The following BPNT1 variants were observed in gnomAD, a reference collection of about 807,000 sequenced individuals.
BPNT1 encodes 3'(2'),5'-bisphosphate nucleotidase 1.
A neutral mutation model predicts 36.9 loss-of-function variants in BPNT1; 28 were observed. The ratio of observed to expected loss-of-function variants is 0.76; its 90% CI spans 0.56 to 1.04. The LOEUF is 1.04. Among genes scored for constraint, BPNT1 ranks in the 50% least tolerant of loss-of-function variants. The pLI is 0.00. For missense variants in BPNT1, 313 were observed against 372.9 expected (o/e 0.84, Z 1.32); for synonymous variants, 119 against 130.9 (o/e 0.91, Z 0.62).
chr1:220,076,971 C>G (rs1157526724), intron 2 of BPNT1, among the ~76,000 whole-genome samples: 1 of 152,144 alleles, frequency 6.6e-6, no homozygotes, highest in African/African-American at 2.4e-5. Flanking sequence ...CTAGCCCGCT[C>G]AGCTTTCTCT....
chr1:220,082,123 GTATA>G (rs771087138), intron 1 of BPNT1, among the ~76,000 whole-genome samples: 1 of 134,520 alleles, frequency 7.4e-6, no homozygotes. Flanking sequence ...GAGAGAGAGT[GTATA>G]TATATATAAA....
chr1:220,067,518 C>G (rs1363140962), intron 5 of BPNT1, 125 bp from the exon 6 acceptor site: 1 of 561,728 alleles, frequency 1.8e-6, no homozygotes, highest in Non-Finnish European at 3.1e-6. Context: ...CATCCGTGAT[C>G]AATCCTATTT....
At chr1:220,089,123 AAAG>A (rs1252644651) in intron 1 of BPNT1, among the ~76,000 whole-genome samples, 45 of 147,928 alleles carry the variant, frequency 3.0e-4, no homozygotes, top group Middle Eastern at 3.4e-3. Flanking sequence ...AAAAAAAAAA[AAAG>A]AAGGAGGAGG....
At chr1:220,073,023 ATT>A in intron 3 of BPNT1, 66 bp from the exon 4 acceptor site, 1 of 1,238,946 alleles carries the variant, frequency 8.1e-7, no homozygotes, top group Non-Finnish European at 1.2e-6. Context: ...GCTTTGTCTC[ATT>A]AACAGAAGAA....
At chr1:220,077,697 A>C (rs779856920) in intron 2 of BPNT1, among the ~76,000 whole-genome samples, 3 of 152,000 alleles carry the variant, frequency 2.0e-5, no homozygotes, top group Non-Finnish European at 4.4e-5. Context: ...GTTGTTTTTT[A>C]CTCATATATC....
chr1:220,069,181 G>A (rs1300431198), intron 5 of BPNT1, among the ~76,000 whole-genome samples: 3 of 152,150 alleles, frequency 2.0e-5, no homozygotes, highest in Non-Finnish European at 2.9e-5. Context: ...TATGTGGGGG[G>A]TGGTATTTGA....
At chr1:220,086,190 C>T (rs186938148) in intron 1 of BPNT1, among the ~76,000 whole-genome samples, 1 of 152,050 alleles carries the variant, frequency 6.6e-6, no homozygotes, top group Admixed American at 6.6e-5. Context: ...GAAATAGAAC[C>T]GAACACACTA....
rs146462794 is a variant in BPNT1 at position 220,064,587 on chromosome 1, T to C, written c.475-1633A>G. ...ATGTCAGGTCTTTAAACTCCTGCAA[T>C]AATCAGTCACTGGAAATGGACTGCA... On this transcript the variant is annotated intron_variant, in intron 6 of 8. Transcript: ENST00000322067. Among the ~76,000 whole-genome samples, 696 of 152,258 alleles carry C rather than the reference T, an allele frequency of 4.6e-3. 2 individuals are homozygous for C. The highest frequency in any genetic ancestry group is 0.016 in the African/African-American group (661 of 41,556).
rs1157044870 is a variant in BPNT1, at chr1:220,073,966, C to T, written c.225+1G>A. On this transcript the variant is annotated splice_donor_variant, in intron 3 of 8. Coordinates refer to ENST00000322067, the MANE Select transcript of BPNT1 (RefSeq NM_006085.6). LOFTEE classifies it high-confidence loss of function. ...AAAAAAATGTCTCTGATGACGCTTA[C>T]CTCTTCCCCTATAATTGTGAGTTTG... is the stretch of plus-strand genomic sequence containing the variant. 3.1e-6 allele frequency: 5 copies of T among 1,612,838 alleles called. No individual in the cohort carries two copies. Among genetic ancestry groups the T allele is most frequent in the Non-Finnish European group, 4.2e-6 (5 of 1,179,332 alleles).
rs539256810 is a variant in BPNT1, at chr1:220,057,947, G to A, written c.*897C>T. The A allele has an allele frequency of 1.8e-5, 17 of 963,994 alleles. No individual in the cohort carries two copies. The African/African-American group carries it at 2.6e-4, about 15-fold the overall frequency. 59.7% of individuals were successfully genotyped at this position (963,994 alleles called of 1,614,324 possible). ...AATCCCAGCACTTTGGGAGTCCGAG[G>A]CAGACAGATCACGATGTCAGGAGAT... On this transcript the variant is annotated 3_prime_UTR_variant, in exon 9 of 9. Coordinates refer to ENST00000322067, the MANE Select transcript of BPNT1 (RefSeq NM_006085.6).
chr1:220,062,766 T>C lies in BPNT1; in HGVS notation c.663A>G (p.Ala221=), dbSNP rs1571731193. Residue 221 remains alanine, a synonymous_variant, in exon 7 of 9, where the codon GCA becomes GCG. Coordinates refer to ENST00000322067, the MANE Select transcript of BPNT1 (RefSeq NM_006085.6). ...CAGACATTTTTCATACCTTATTTCC[T>C]GCTCCTCCTACTCGCAGCACAGCAT... ...NPDAVLRVGG[A]GNKIIQLIEG... The C allele has an allele frequency of 6.2e-7, 1 of 1,614,218 alleles. No individual in the cohort carries two copies. Among genetic ancestry groups the C allele is most frequent in the African/African-American group, 1.3e-5 (1 of 75,082 alleles).
intron 2 of BPNT1, among the ~76,000 whole-genome samples, chr1:220,079,013 C>T (rs958326746): frequency 2.6e-5 from 4 of 152,102 alleles, no homozygotes; most frequent in Admixed American, 6.6e-5. Context: ...GGGAAAAACA[C>T]GCTTGCTTTG....
rs372564231 is a variant in BPNT1 at position 220,073,931 on chromosome 1, C to A, written c.225+36G>T. On this transcript the variant is annotated intron_variant, in intron 3 of 8. Coordinates refer to ENST00000322067, the MANE Select transcript of BPNT1 (RefSeq NM_006085.6). ...GTCAGTTATAAATCCATTTGGTAAA[C>A]AGAGATTTTAAAAAAATGTCTCTGA... 4.7e-5 allele frequency: 74 copies of A among 1,562,598 alleles called. No individual in the cohort carries two copies. In the African/African-American group the frequency reaches 9.1e-4, roughly 19 times the overall value.
At chr1:220,074,871 C>T (rs1664402009) in intron 2 of BPNT1, among the ~76,000 whole-genome samples, 1 of 152,140 alleles carries the variant, frequency 6.6e-6, no homozygotes, top group Non-Finnish European at 1.5e-5. Context: ...TCACCTATGG[C>T]ACCCTCACTC....
At chr1:220,072,189 C>T (rs1317733015) in intron 4 of BPNT1, among the ~76,000 whole-genome samples, 1 of 150,882 alleles carries the variant, frequency 6.6e-6, no homozygotes, top group Non-Finnish European at 1.5e-5. Flanking sequence ...GGTGAAACCC[C>T]ATCTCTACTA....
intron 4 of BPNT1, among the ~76,000 whole-genome samples, chr1:220,072,318 G>A (rs552457326): frequency 2.9e-4 from 44 of 151,496 alleles, no homozygotes; most frequent in African/African-American, 1.0e-3. Context: ...AGCCAAGATC[G>A]CGGCCCTGTA....
Position 220,059,622 on chromosome 1 carries a change from A to G in BPNT1, c.778+64T>C, listed in dbSNP as rs185585606. 6.3e-4 allele frequency: 758 copies of G among 1,206,842 alleles called. 6 individuals are homozygous for G. In the African/African-American group the frequency reaches 0.01, roughly 16 times the overall value. The allele number at this position is 1,206,842 out of a possible 1,614,324, so 74.8% of individuals were successfully genotyped here. ...CTAAGTAAAATAATATTACTGAGAT[A>G]TTATGTCTTAGCATGATATAATTGT... On this transcript the variant is annotated intron_variant, in intron 8 of 8. Transcript: ENST00000322067.
At chr1:220,079,644 G>A in intron 2 of BPNT1, 83 bp downstream of exon 2, 1 of 1,542,146 alleles carries the variant, frequency 6.5e-7, no homozygotes, top group Non-Finnish European at 8.9e-7. Flanking sequence ...AACTGATAAA[G>A]TCTGTCCACA....
At chr1:220,082,081 TATATAGAGAGAGAGAG>T (rs1450194313) in intron 1 of BPNT1, among the ~76,000 whole-genome samples, 3 of 109,806 alleles carry the variant, frequency 2.7e-5, no homozygotes, top group Non-Finnish European at 3.9e-5. Context: ...TATATATATA[TATATAGAGAGAGAGAG>T]AGAGAGAGAG....
Sources: gnomAD v4.1 joint callset for allele counts (sites outside exome capture counted in the v4.1 genomes callset) on GRCh38, gnomAD v4.1.1 for gene constraint, MANE v1.5 for transcripts, NCBI Gene and HGNC (gene_info 2026-07-23, HGNC 2026-07-21) for gene names.